Variants in CACNA1A observed in about 807,000 individuals in gnomAD.
CACNA1A encodes the protein calcium voltage-gated channel subunit alpha1 A.
CACNA1A carries 57 observed loss-of-function variants against 262.4 expected under a neutral mutation model. That is an observed-to-expected ratio of 0.22 (90% confidence interval 0.18 to 0.27). The LOEUF (loss-of-function observed/expected upper bound fraction) is 0.27. CACNA1A is among the 10% of genes least tolerant of loss of function. The pLI, the probability that CACNA1A is intolerant of heterozygous loss-of-function variation, is 1.00. For missense variants in CACNA1A, 2,526 were observed against 3,562.8 expected, an observed-to-expected ratio of 0.71 and a Z score of 7.41; for synonymous variants, 1,431 against 1,419.3, an observed-to-expected ratio of 1.01 and a Z score of -0.18.
At chr19:13,428,453 GGAAT>G (rs1237546394) in intron 3 of CACNA1A, among the ~76,000 whole-genome samples, 1 of 152,122 alleles carries the variant, frequency 6.6e-6, no homozygotes, top group African/African-American at 2.4e-5. Flanking sequence ...GAGCAATTTT[GGAAT>G]GAATGAAGTA....
intron 1 of CACNA1A, among the ~76,000 whole-genome samples, chr19:13,499,924 G>A (rs1465892743): frequency 1.3e-5 from 2 of 151,938 alleles, no homozygotes; most frequent in East Asian, 1.9e-4. Flanking sequence ...TTTTATTGCT[G>A]AGAAAGTGTA....
Position 13,235,713 on chromosome 19 carries a change from C to T in CACNA1A, c.4968G>A (p.Leu1656=). The T allele has an allele frequency of 6.2e-7, 1 of 1,613,582 alleles. No individual in the cohort carries two copies. The highest frequency in any genetic ancestry group is 8.5e-7 in the Non-Finnish European group (1 of 1,179,632). ...VTEFGNNFIN[L]SFLRLFRAAR... is the part of the protein sequence containing the mutation. The stretch of plus-strand genomic sequence containing the variant: ...CAGCTCGGAAGAGGCGGAGAAAGCT[C>T]AGGTTGATGAAGTTATTCTGGGGAG... Residue 1656 remains leucine, a synonymous_variant, in exon 32 of 47, where the codon CTG becomes CTA. Transcript: ENST00000360228.
At chr19:13,375,541 A>G (rs1180555021) in intron 3 of CACNA1A, among the ~76,000 whole-genome samples, 1 of 152,174 alleles carries the variant, frequency 6.6e-6, no homozygotes, top group East Asian at 1.9e-4. Context: ...TAATCCGAGC[A>G]TTTTGGGAGG....
intron 3 of CACNA1A, among the ~76,000 whole-genome samples, chr19:13,444,395 G>C (rs1363346): frequency 3.3e-5 from 5 of 151,918 alleles, no homozygotes; most frequent in Non-Finnish European, 7.4e-5. Context: ...CTAAGAGCAG[G>C]TGCATGGGGC....
intron 36 of CACNA1A, chr19:13,229,681 G>A (rs2055595423): frequency 6.2e-6 from 1 of 161,242 alleles, no homozygotes; most frequent in South Asian, 1.9e-4. Context: ...TCTGCCAAGG[G>A]TAGGCCAGCC....
chr19:13,223,354 G>C (rs2055307494), intron 38 of CACNA1A, among the ~76,000 whole-genome samples: 1 of 151,946 alleles, frequency 6.6e-6, no homozygotes, highest in Non-Finnish European at 1.5e-5. Context: ...CACCACGTCT[G>C]GCTAAATTTT....
intron 31 of CACNA1A, chr19:13,243,589 T>G (rs10412233): frequency 0.58 from 87,709 of 151,080 alleles, 25,854 homozygotes; most frequent in East Asian, 0.82. Context: ...GAGTTTTCGC[T>G]CTTGTCACCC....
chr19:13,486,506 A>T (rs1294960789), intron 1 of CACNA1A, among the ~76,000 whole-genome samples: 4 of 152,190 alleles, frequency 2.6e-5, no homozygotes, highest in African/African-American at 9.7e-5. Flanking sequence ...AAAAGGGGAA[A>T]ATACCCAGAC....
intron 6 of CACNA1A, among the ~76,000 whole-genome samples, chr19:13,339,654 A>G (rs960239595): frequency 6.6e-6 from 1 of 152,190 alleles, no homozygotes; most frequent in Non-Finnish European, 1.5e-5. Flanking sequence ...CATTATATGC[A>G]TTGAAACGTC....
intron 4 of CACNA1A, among the ~76,000 whole-genome samples, chr19:13,369,374 C>T (rs1445674499): frequency 6.6e-6 from 1 of 152,148 alleles, no homozygotes; most frequent in Non-Finnish European, 1.5e-5. Flanking sequence ...GCTGAAATTG[C>T]GTCCCTGCTC....
intron 24 of CACNA1A, among the ~76,000 whole-genome samples, chr19:13,268,413 C>T (rs951132122): frequency 2.0e-5 from 3 of 150,726 alleles, no homozygotes; most frequent in South Asian, 2.1e-4. Flanking sequence ...TTTCCATCCA[C>T]GACCCCTCTG....
chr19:13,479,082 G>A (rs1024283940), intron 1 of CACNA1A, among the ~76,000 whole-genome samples: 1 of 152,184 alleles, frequency 6.6e-6, no homozygotes, highest in South Asian at 2.1e-4. Flanking sequence ...GCTGAGGCAG[G>A]AGACTCACTT....
chr19:13,442,823 G>A (rs2060748480), intron 3 of CACNA1A, among the ~76,000 whole-genome samples: 1 of 152,148 alleles, frequency 6.6e-6, no homozygotes, highest in Admixed American at 6.5e-5. Flanking sequence ...GATCAGGGAG[G>A]GGAAGGAAGG....
rs776423594 is a variant in CACNA1A at position 13,413,893 on chromosome 19, GAAAAAGA to G, written c.539+38976_539+38982del. Among the ~76,000 whole-genome samples the G allele has an allele frequency of 3.1e-4, 15 of 48,478 alleles. 2 individuals are homozygous for G. The East Asian group carries it at 0.011, about 34-fold the overall frequency. 31.8% of individuals were successfully genotyped at this position (48,478 alleles called of 152,430 possible). On this transcript the variant is annotated intron_variant, in intron 3 of 46. Coordinates refer to ENST00000360228, the MANE Select transcript of CACNA1A (RefSeq NM_001127222.2). ...CAGACTCTGTCAAGAAAGAAAGAAA[GAAAAAGA>G]AAGAAAGAAAGAAAGAAAGAAAGAA... is the stretch of plus-strand genomic sequence containing the variant.
intron 3 of CACNA1A, among the ~76,000 whole-genome samples, chr19:13,409,428 T>C (rs2144730589): frequency 6.6e-6 from 1 of 152,182 alleles, no homozygotes; most frequent in East Asian, 1.9e-4. Flanking sequence ...TTTATTAGAC[T>C]CAAAGTACAA....
At chr19:13,462,363 A>G (rs937886081) in intron 1 of CACNA1A, among the ~76,000 whole-genome samples, 30 of 152,186 alleles carry the variant, frequency 2.0e-4, no homozygotes, top group African/African-American at 7.2e-4. Flanking sequence ...CCTCATTTTC[A>G]TGTAAGTTCC....
rs533146559 is a variant in CACNA1A, at chr19:13,441,702, C to T, written c.539+11174G>A. On this transcript the variant is annotated intron_variant, in intron 3 of 46. Coordinates refer to ENST00000360228, the MANE Select transcript of CACNA1A (RefSeq NM_001127222.2). Reference sequence around the variant, plus strand: ...AAAAAAAAAGAGTCTCGGTTTGTTGCGAGTCCAGTGGCATGATCTTGGTCT... The same window carrying T: ...AAAAAAAAAGAGTCTCGGTTTGTTGTGAGTCCAGTGGCATGATCTTGGTCT... 2.3e-4 allele frequency among the ~76,000 whole-genome samples: 35 copies of T among 149,820 alleles called. No homozygotes were observed. In the South Asian group the frequency reaches 4.2e-3, roughly 18 times the overall value.
At chr19:13,340,033 C>T (rs1376539112) in intron 6 of CACNA1A, among the ~76,000 whole-genome samples, 1 of 152,174 alleles carries the variant, frequency 6.6e-6, no homozygotes, top group Non-Finnish European at 1.5e-5. Context: ...GTTCCCATTT[C>T]TCAGGGCTAA....
intron 6 of CACNA1A, among the ~76,000 whole-genome samples, chr19:13,344,741 TTTA>T (rs754115705): frequency 0.31 from 14,713 of 47,238 alleles, 983 homozygotes; most frequent in East Asian, 0.58. Context: ...ATTTATTTTA[TTTA>T]TTTATTTATT....
Sources: allele counts gnomAD v4.1 joint callset (sites outside exome capture counted in the v4.1 genomes callset), GRCh38; gene constraint gnomAD v4.1.1; transcripts MANE v1.5; gene names NCBI Gene and HGNC (gene_info 2026-07-23, HGNC 2026-07-21).